Variants in DGKB observed in about 807,000 individuals in gnomAD.
DGKB encodes 90 kDa diacylglycerol kinase.
DGKB carries 67 observed loss-of-function variants against 114.3 expected under a neutral mutation model. The observed-to-expected ratio is 0.59, with a 90% CI of 0.48 to 0.72. DGKB has a LOEUF of 0.72. DGKB is among the 30% of genes least tolerant of loss of function. DGKB has a pLI of 0.00. For synonymous variants in DGKB, 398 were observed against 323.1 expected (o/e 1.23, Z -2.49); for missense variants, 907 against 975.2 (o/e 0.93, Z 0.93).
intron 1 of DGKB, among the ~76,000 whole-genome samples, chr7:14,970,645 T>A (rs1283825171): frequency 6.6e-6 from 1 of 151,958 alleles, no homozygotes; most frequent in Non-Finnish European, 1.5e-5. Context: ...TGAAAGCGGG[T>A]AAAATTGCCC....
At chr7:14,653,342 C>T (rs968691479) in intron 13 of DGKB, among the ~76,000 whole-genome samples, 46 of 152,198 alleles carry the variant, frequency 3.0e-4, no homozygotes, top group Non-Finnish European at 5.3e-4. Context: ...ATGATGAGTT[C>T]ACGTCCTTTG....
chr7:14,168,360 G>T (rs540447848), intron 25 of DGKB, among the ~76,000 whole-genome samples: 1 of 152,292 alleles, frequency 6.6e-6, no homozygotes, highest in East Asian at 1.9e-4. Context: ...AGTTTTAGAA[G>T]GAGAGGAGAG....
At chr7:14,494,361 A>G (rs1204200903) in intron 20 of DGKB, among the ~76,000 whole-genome samples, 1 of 151,916 alleles carries the variant, frequency 6.6e-6, no homozygotes, top group Non-Finnish European at 1.5e-5. Flanking sequence ...AACAAAATGT[A>G]TAAGCATCTT....
At chr7:14,189,324 A>T (rs2079460) in intron 23 of DGKB, among the ~76,000 whole-genome samples, 2 of 151,950 alleles carry the variant, frequency 1.3e-5, no homozygotes, top group African/African-American at 2.4e-5. Flanking sequence ...ACCAAAGTTA[A>T]GTTGCCATCA....
intron 21 of DGKB, among the ~76,000 whole-genome samples, chr7:14,350,557 C>T (rs1290034898): frequency 2.0e-5 from 3 of 151,692 alleles, no homozygotes; most frequent in African/African-American, 7.3e-5. Context: ...AAGTCATAAG[C>T]AACAAAAAAG....
chr7:14,357,506 G>T (rs987388145), intron 21 of DGKB, among the ~76,000 whole-genome samples: 5 of 151,976 alleles, frequency 3.3e-5, no homozygotes, highest in Non-Finnish European at 7.4e-5. Context: ...ACGTGAGATG[G>T]GTCTCCTGAA....
intron 23 of DGKB, among the ~76,000 whole-genome samples, chr7:14,248,866 T>A (rs1445255597): frequency 1.3e-5 from 2 of 152,136 alleles, no homozygotes; most frequent in African/African-American, 2.4e-5. Context: ...TAGGAGTTCC[T>A]ATATGTACCA....
At chr7:14,611,285 G>A (rs1005233386) in intron 16 of DGKB, among the ~76,000 whole-genome samples, 2 of 152,110 alleles carry the variant, frequency 1.3e-5, no homozygotes, top group African/African-American at 2.4e-5. Flanking sequence ...CTGCACGACT[G>A]TGTATTATGC....
At chr7:14,620,271 T>C (rs1048577776) in intron 15 of DGKB, among the ~76,000 whole-genome samples, 7 of 151,180 alleles carry the variant, frequency 4.6e-5, no homozygotes, top group Admixed American at 2.6e-4. Context: ...AGTTTAATAA[T>C]TTATGAAAAA....
At chr7:14,309,830 T>C (rs1373154005) in intron 23 of DGKB, among the ~76,000 whole-genome samples, 3 of 152,138 alleles carry the variant, frequency 2.0e-5, no homozygotes, top group Non-Finnish European at 2.9e-5. Context: ...AGGGCTATCA[T>C]TGAAGTTACT....
chr7:14,177,554 C>CAAAAAAAAAAAAAAAAAAAAAGAAA (rs1781956182), intron 24 of DGKB, among the ~76,000 whole-genome samples: 1 of 69,016 alleles, frequency 1.4e-5, no homozygotes, highest in African/African-American at 5.4e-5. Flanking sequence ...AACTCCGTCT[C>CAAAAAAAAAAAAAAAAAAAAAGAAA]AAAAAAAAAA....
At chr7:14,800,918 C>A (rs1842066762) in intron 2 of DGKB, among the ~76,000 whole-genome samples, 1 of 152,060 alleles carries the variant, frequency 6.6e-6, no homozygotes, top group Non-Finnish European at 1.5e-5. Context: ...GAGCCATGAC[C>A]AGTTGAGGTA....
intron 2 of DGKB, among the ~76,000 whole-genome samples, chr7:14,780,700 C>A (rs714838): frequency 1.6e-4 from 25 of 152,096 alleles, no homozygotes; most frequent in Admixed American, 5.2e-4. Flanking sequence ...GAACACTAGA[C>A]CTTCCATACT....
intron 17 of DGKB, among the ~76,000 whole-genome samples, chr7:14,589,094 C>G (rs914655270): frequency 5.3e-5 from 8 of 151,942 alleles, no homozygotes; most frequent in Admixed American, 2.6e-4. Context: ...TTTCTACTAA[C>G]AGGTCTTGCA....
intron 23 of DGKB, among the ~76,000 whole-genome samples, chr7:14,275,963 G>A (rs11982440): frequency 1.8e-4 from 27 of 152,080 alleles, no homozygotes; most frequent in Admixed American, 1.6e-3. Context: ...CTAACATAAA[G>A]ACAGATTTCT....
chr7:14,959,786 T>G (rs10247604), intron 1 of DGKB, among the ~76,000 whole-genome samples: 5,236 of 151,918 alleles, frequency 0.034, 272 homozygotes, highest in African/African-American at 0.12. Context: ...AAGGCAGTTT[T>G]CTATAGTATT....
intron 23 of DGKB, among the ~76,000 whole-genome samples, chr7:14,229,047 A>G (rs1791293091): frequency 6.6e-6 from 1 of 152,048 alleles, no homozygotes; most frequent in African/African-American, 2.4e-5. Flanking sequence ...ATGTATATGT[A>G]TGAGAAAATC....
chr7:14,880,971 A>G (rs1854138413), intron 1 of DGKB, among the ~76,000 whole-genome samples: 1 of 152,160 alleles, frequency 6.6e-6, no homozygotes, highest in South Asian at 2.1e-4. Flanking sequence ...TCAAGTGTCT[A>G]TTTTATTGAA....
chr7:14,561,894 T>C (rs543941310), intron 20 of DGKB, among the ~76,000 whole-genome samples: 2 of 152,200 alleles, frequency 1.3e-5, no homozygotes, highest in Non-Finnish European at 2.9e-5. Flanking sequence ...AGGAGCCCAA[T>C]GTTATTCACC....
Sources: gnomAD v4.1 joint callset for allele counts (sites outside exome capture counted in the v4.1 genomes callset) on GRCh38, gnomAD v4.1.1 for gene constraint, MANE v1.5 for transcripts, NCBI Gene and HGNC (gene_info 2026-07-23, HGNC 2026-07-21) for gene names.